EPHB2: variants seen among roughly 807,000 people sequenced by gnomAD.
EPHB2 encodes the protein ephrin type-B receptor 2.
Under a neutral mutation model 96.4 loss-of-function variants are expected in EPHB2, and 18 were observed. The observed-to-expected ratio is 0.19, with a 90% confidence interval of 0.13 to 0.28. The LOEUF is 0.28. Among genes scored for constraint, EPHB2 ranks in the 10% least tolerant of loss-of-function variants. The pLI, the probability that EPHB2 is intolerant of heterozygous loss-of-function variation, is 1.00. For missense variants in EPHB2, 989 were observed against 1,355.4 expected (o/e 0.73, Z 4.25); for synonymous variants, 506 against 534.1 (o/e 0.95, Z 0.72).
At chr1:22,900,025 A>G (rs1192016758) in intron 9 of EPHB2, among the ~76,000 whole-genome samples, 3 of 149,330 alleles carry the variant, frequency 2.0e-5, no homozygotes, top group Non-Finnish European at 4.5e-5. Context: ...CGGGTGCGGT[A>G]GCTCACGCCT....
chr1:22,822,340 G>A (rs1645163811), intron 3 of EPHB2, among the ~76,000 whole-genome samples: 1 of 151,470 alleles, frequency 6.6e-6, no homozygotes, highest in Non-Finnish European at 1.5e-5. Flanking sequence ...AAAAAAAAAA[G>A]GAAAGTGATG....
At chr1:22,865,245 C>A in intron 5 of EPHB2, 33 bp downstream of exon 5, 8 of 1,612,826 alleles carry the variant, frequency 5.0e-6, no homozygotes, top group Non-Finnish European at 6.8e-6. Flanking sequence ...AGGGGAGTGC[C>A]CCATCGCGCT....
intron 6 of EPHB2, among the ~76,000 whole-genome samples, chr1:22,888,260 C>T (rs1471295483): frequency 6.6e-6 from 1 of 152,132 alleles, no homozygotes; most frequent in African/African-American, 2.4e-5. Context: ...TCAGGCTGTT[C>T]TCGAACTCCT....
intron 3 of EPHB2, among the ~76,000 whole-genome samples, chr1:22,839,806 G>A (rs1645439707): frequency 6.6e-6 from 1 of 152,168 alleles, no homozygotes; most frequent in Non-Finnish European, 1.5e-5. Flanking sequence ...AACTCAGGAG[G>A]TAGGAAGGGA....
At chr1:22,779,325 C>G (rs906227275) in intron 1 of EPHB2, among the ~76,000 whole-genome samples, 6 of 152,338 alleles carry the variant, frequency 3.9e-5, no homozygotes, top group Non-Finnish European at 8.8e-5. Flanking sequence ...CCTCCCTGTG[C>G]CAGCCCCCAG....
At chr1:22,746,574 A>T (rs933727640) in intron 1 of EPHB2, among the ~76,000 whole-genome samples, 1 of 152,042 alleles carries the variant, frequency 6.6e-6, no homozygotes, top group African/African-American at 2.4e-5. Context: ...TGCAGGGGGG[A>T]GATGAGATGG....
chr1:22,897,613 G>A (rs1412529046), intron 9 of EPHB2, among the ~76,000 whole-genome samples: 1 of 151,678 alleles, frequency 6.6e-6, no homozygotes. Context: ...ATGGAGAAAT[G>A]CTGTCTCTAC....
chr1:22,739,947 G>A (rs754160046), intron 1 of EPHB2, among the ~76,000 whole-genome samples: 18 of 152,174 alleles, frequency 1.2e-4, no homozygotes, highest in African/African-American at 3.1e-4. Context: ...TTCCCTCGTC[G>A]GCTCAGACTA....
intron 1 of EPHB2, among the ~76,000 whole-genome samples, chr1:22,765,546 C>A (rs1334470819): frequency 1.0e-3 from 116 of 115,190 alleles, no homozygotes; most frequent in South Asian, 1.3e-3. Context: ...GACCCTGTCG[C>A]AAAAAAAAAA....
intron 1 of EPHB2, among the ~76,000 whole-genome samples, chr1:22,721,979 G>A (rs546332311): frequency 1.1e-4 from 17 of 152,082 alleles, no homozygotes; most frequent in African/African-American, 3.9e-4. Context: ...TTTGAGTCTC[G>A]CTCTGTTGCC....
chr1:22,760,147 G>C (rs1243020196), intron 1 of EPHB2, among the ~76,000 whole-genome samples: 3 of 152,214 alleles, frequency 2.0e-5, no homozygotes, highest in Admixed American at 6.5e-5. Context: ...TTCAGACAGA[G>C]CATAACCTGA....
At chr1:22,873,254 C>A (rs1638730859) in intron 5 of EPHB2, among the ~76,000 whole-genome samples, 1 of 152,168 alleles carries the variant, frequency 6.6e-6, no homozygotes, top group South Asian at 2.1e-4. Context: ...CACTCGGCAG[C>A]TCTTTGGGTT....
At chr1:22,843,327 G>A (rs1346965219) in intron 3 of EPHB2, among the ~76,000 whole-genome samples, 2 of 152,158 alleles carry the variant, frequency 1.3e-5, no homozygotes, top group Non-Finnish European at 2.9e-5. Context: ...CTAAGTCCTT[G>A]CTCTTGCCAC....
At chr1:22,779,834 T>C (rs561728219) in intron 1 of EPHB2, among the ~76,000 whole-genome samples, 35 of 152,330 alleles carry the variant, frequency 2.3e-4, no homozygotes, top group Non-Finnish European at 5.0e-4. Context: ...AGAAGCATCA[T>C]GTGGCCACAG....
chr1:22,737,237 C>G (rs1341613320), intron 1 of EPHB2, among the ~76,000 whole-genome samples: 2 of 152,160 alleles, frequency 1.3e-5, no homozygotes, highest in Admixed American at 1.3e-4. Flanking sequence ...TGGACCATCT[C>G]AGTGACTTCT....
chr1:22,874,406 C>T (rs10917322), intron 5 of EPHB2, among the ~76,000 whole-genome samples: 5,027 of 152,232 alleles, frequency 0.033, 270 homozygotes, highest in African/African-American at 0.11. Flanking sequence ...GAGGTCAAGA[C>T]GATTCCACAA....
At chr1:22,882,792 G>T (rs1030650053) in intron 6 of EPHB2, 5 of 362,970 alleles carry the variant, frequency 1.4e-5, no homozygotes, top group African/African-American at 8.4e-5. Context: ...GACCTCAGTG[G>T]CTTGATGTTG....
intron 14 of EPHB2, among the ~76,000 whole-genome samples, chr1:22,911,589 T>C (rs948764245): frequency 6.6e-6 from 1 of 152,172 alleles, no homozygotes; most frequent in African/African-American, 2.4e-5. Flanking sequence ...GCAGGCTCCA[T>C]GAGGCAGCAG....
At chr1:22,892,596 C>T (rs1181413321) in intron 6 of EPHB2, among the ~76,000 whole-genome samples, 1 of 152,150 alleles carries the variant, frequency 6.6e-6, no homozygotes, top group Non-Finnish European at 1.5e-5. Context: ...TCTGTAAAGC[C>T]TCTGCTTGCA....
Sources: gnomAD v4.1 joint callset for allele counts (sites outside exome capture counted in the v4.1 genomes callset) on GRCh38, gnomAD v4.1.1 for gene constraint, MANE v1.5 for transcripts, NCBI Gene and HGNC (gene_info 2026-07-23, HGNC 2026-07-21) for gene names.